The following ABHD12B variants were observed in gnomAD, a reference collection of about 807,000 sequenced individuals.
ABHD12B encodes abhydrolase domain containing 12B.
In ABHD12B, 42 loss-of-function variants were observed where a neutral mutation model predicts 50.4. The ratio of observed to expected loss-of-function variants is 0.83; its 90% CI spans 0.65 to 1.08. ABHD12B has a LOEUF of 1.08. ABHD12B is among the 50% of genes least tolerant of loss of function. The pLI is 0.00. For missense variants in ABHD12B, 479 were observed against 447.7 expected, an observed-to-expected ratio of 1.07 and a Z score of -0.63; for synonymous variants, 167 against 160.3, an observed-to-expected ratio of 1.04 and a Z score of -0.32.
chr14:50,878,139 A>C, intron 2 of ABHD12B, 60 bp downstream of exon 2: 2 of 1,381,350 alleles, frequency 1.4e-6, no homozygotes, highest in Non-Finnish European at 9.6e-7. Flanking sequence ...AGACCTCAGT[A>C]CCCTTAAAGT....
In ABHD12B at chr14:50,878,781, A is replaced by G. The variant is rs1483687096; in HGVS notation, c.269A>G (p.Glu90Gly). Residue 90 changes from glutamate to glycine, a missense_variant, in exon 3 of 13, where the codon GAG (glutamate) becomes GGG (glycine). Coordinates refer to ENST00000337334, the MANE Select transcript of ABHD12B (RefSeq NM_001206673.2). ...TTTCTTGTGGATTTAAAGAAACCAGAGTTAAAGATTCCTCACACAGTGAAC... is the reference window on the plus strand; with the variant it reads ...TTTCTTGTGGATTTAAAGAAACCAGGGTTAAAGATTCCTCACACAGTGAAC... ...APFLVDLKKPELKIPHTVNFY... is the reference protein window; with the variant it reads ...APFLVDLKKPGLKIPHTVNFY... 6.2e-7 allele frequency: 1 copy of G among 1,614,028 alleles called. No homozygotes were observed. The highest frequency in any genetic ancestry group is 1.7e-5 in the Admixed American group (1 of 60,026).
intron 9 of ABHD12B, 127 bp from the exon 10 acceptor site, chr14:50,901,702 T>C (rs543841120): frequency 2.1e-6 from 1 of 465,210 alleles, no homozygotes; most frequent in East Asian, 3.7e-5. Flanking sequence ...GTAGAAGTTT[T>C]TTGTGAAGTT....
intron 9 of ABHD12B, among the ~76,000 whole-genome samples, chr14:50,900,050 G>A (rs1045661231): frequency 1.3e-5 from 2 of 151,968 alleles, no homozygotes; most frequent in African/African-American, 2.4e-5. Flanking sequence ...ACCAGTCTAG[G>A]AAACATGGTG....
At chr14:50,901,948 A>G (rs760529800) in intron 10 of ABHD12B, 37 bp downstream of exon 10, 1 of 1,422,500 alleles carries the variant, frequency 7.0e-7, no homozygotes, top group Non-Finnish European at 9.6e-7. Flanking sequence ...TTATTACTGT[A>G]TCTAAAGGAT....
At chr14:50,891,426 G>C (rs2050118066) in intron 9 of ABHD12B, 2 of 152,232 alleles carry the variant, frequency 1.3e-5, no homozygotes, top group African/African-American at 4.8e-5. Flanking sequence ...TGTGTTTTTA[G>C]TAGAGACGGG....
chr14:50,903,117 T>G (rs1005059809), intron 10 of ABHD12B, among the ~76,000 whole-genome samples: 56 of 95,660 alleles, frequency 5.9e-4, no homozygotes, highest in African/African-American at 1.8e-3. Flanking sequence ...TTTGTTTTTT[T>G]TTTTTAGTAT....
chr14:50,879,692 T>C (rs112052546), intron 3 of ABHD12B, among the ~76,000 whole-genome samples: 1 of 152,240 alleles, frequency 6.6e-6, no homozygotes, highest in South Asian at 2.1e-4. Flanking sequence ...TGTTGGAATT[T>C]AGAAATCTTT....
At chr14:50,877,880 G>C (rs1440043028) in intron 1 of ABHD12B, 72 bp from the exon 2 acceptor site, 11 of 1,207,874 alleles carry the variant, frequency 9.1e-6, no homozygotes, top group South Asian at 1.8e-5. Flanking sequence ...AAAAAACAAA[G>C]AAAAAGAAAA....
intron 3 of ABHD12B, 24 bp from the exon 4 acceptor site, chr14:50,880,428 G>T (rs891205724): frequency 3.8e-6 from 6 of 1,577,820 alleles, no homozygotes; most frequent in Non-Finnish European, 5.2e-6. Flanking sequence ...TTCTACATTT[G>T]TTTAAACCTC....
At chr14:50,877,834 T>G in intron 1 of ABHD12B, 118 bp from the exon 2 acceptor site, 1 of 1,110,090 alleles carries the variant, frequency 9.0e-7, no homozygotes, top group Non-Finnish European at 1.2e-6. Flanking sequence ...GCCATTGCAC[T>G]CCAGCCTGGG....
At chr14:50,882,373 C>T (rs1398969355) in intron 5 of ABHD12B, among the ~76,000 whole-genome samples, 21 of 81,824 alleles carry the variant, frequency 2.6e-4, no homozygotes, top group African/African-American at 6.2e-4. Context: ...AGAATGTCTG[C>T]TTTTTTTTTT....
chr14:50,902,806 T>C (rs995391505), intron 10 of ABHD12B, among the ~76,000 whole-genome samples: 3 of 152,138 alleles, frequency 2.0e-5, no homozygotes, highest in African/African-American at 7.2e-5. Flanking sequence ...AGAAAGTAAC[T>C]AGAGTGGGAG....
chr14:50,878,651 C>T (rs1260366480), intron 2 of ABHD12B, 94 bp from the exon 3 acceptor site: 2 of 957,802 alleles, frequency 2.1e-6, no homozygotes, highest in South Asian at 1.6e-5. Context: ...AACTTAGAAG[C>T]CTGTTAACCT....
intron 4 of ABHD12B, 71 bp downstream of exon 4, chr14:50,880,642 G>C: frequency 1.4e-6 from 2 of 1,437,270 alleles, no homozygotes; most frequent in Non-Finnish European, 1.8e-6. Context: ...GGGAATGAAG[G>C]ACAGGGCTCT....
intron 10 of ABHD12B, among the ~76,000 whole-genome samples, chr14:50,902,406 C>A (rs2050271185): frequency 6.6e-6 from 1 of 152,134 alleles, no homozygotes; most frequent in Non-Finnish European, 1.5e-5. Context: ...ATCACTTGAG[C>A]CTGGGAGGTT....
chr14:50,873,756 A>G (rs560153590), intron 1 of ABHD12B, among the ~76,000 whole-genome samples: 1 of 152,280 alleles, frequency 6.6e-6, no homozygotes, highest in East Asian at 1.9e-4. Context: ...TTGATGGCTG[A>G]TTATTTAACA....
At chr14:50,885,495 A>C in intron 5 of ABHD12B, 119 bp from the exon 6 acceptor site, 1 of 1,126,346 alleles carries the variant, frequency 8.9e-7, no homozygotes, top group Non-Finnish European at 1.3e-6. Context: ...CTAATGAACA[A>C]GTTAAAATTA....
chr14:50,878,944 C>A, intron 3 of ABHD12B, 97 bp downstream of exon 3: 1 of 966,472 alleles, frequency 1.0e-6, no homozygotes, highest in South Asian at 1.4e-5. Context: ...ACGGAGAGGT[C>A]GGTGCTCCTG....
intron 7 of ABHD12B, 35 bp from the exon 8 acceptor site, chr14:50,886,612 G>A: frequency 6.3e-7 from 1 of 1,597,618 alleles, no homozygotes. Flanking sequence ...TACTGTTATT[G>A]CTTAACACAT....
Sources: allele counts gnomAD v4.1 joint callset (sites outside exome capture counted in the v4.1 genomes callset), GRCh38; gene constraint gnomAD v4.1.1; transcripts MANE v1.5; gene names NCBI Gene and HGNC (gene_info 2026-07-23, HGNC 2026-07-21).